The following THEMIS variants were observed in gnomAD, a reference collection of about 807,000 sequenced individuals.
The protein encoded by THEMIS is thymocyte selection associated.
In THEMIS, 37 loss-of-function variants were observed where a neutral mutation model predicts 52.6. The observed-to-expected ratio is 0.70, with a 90% CI of 0.54 to 0.93. The LOEUF (loss-of-function observed/expected upper bound fraction) is 0.93, where lower values mean the gene tolerates loss of function less well. THEMIS is among the 40% of genes least tolerant of loss of function. The pLI, the probability that THEMIS is intolerant of heterozygous loss-of-function variation, is 0.00. For synonymous variants in THEMIS, 292 were observed against 272.7 expected, an observed-to-expected ratio of 1.07 and a Z score of -0.70; for missense variants, 808 against 763.1, an observed-to-expected ratio of 1.06 and a Z score of -0.69.
At chr6:127,738,275 T>A (rs1775076238) in intron 4 of THEMIS, among the ~76,000 whole-genome samples, 1 of 152,112 alleles carries the variant, frequency 6.6e-6, no homozygotes, top group Non-Finnish European at 1.5e-5. Flanking sequence ...AGAATCAGAC[T>A]GTAATCCAAT....
At chr6:127,794,999 G>A (rs545691480) in intron 4 of THEMIS, among the ~76,000 whole-genome samples, 57 of 152,204 alleles carry the variant, frequency 3.7e-4, no homozygotes, top group Middle Eastern at 3.4e-3. Context: ...AAGACTTGAC[G>A]GAAAGCAGAT....
intron 4 of THEMIS, among the ~76,000 whole-genome samples, chr6:127,796,362 T>G (rs1027770710): frequency 1.3e-5 from 2 of 152,152 alleles, no homozygotes; most frequent in African/African-American, 4.8e-5. Flanking sequence ...CAAATTTATG[T>G]TCACCTACAA....
intron 4 of THEMIS, among the ~76,000 whole-genome samples, chr6:127,764,100 C>T (rs757921565): frequency 7.2e-5 from 11 of 152,006 alleles, no homozygotes; most frequent in East Asian, 1.9e-4. Context: ...CAAGATATTT[C>T]GTATCAGAAA....
At chr6:127,896,223 G>C (rs1780963080) in intron 1 of THEMIS, among the ~76,000 whole-genome samples, 1 of 151,194 alleles carries the variant, frequency 6.6e-6, no homozygotes, top group Non-Finnish European at 1.5e-5. Flanking sequence ...ATGAAATACA[G>C]AGATCTTTTT....
intron 2 of THEMIS, among the ~76,000 whole-genome samples, chr6:127,834,923 C>T (rs1218101925): frequency 1.3e-5 from 2 of 152,154 alleles, no homozygotes; most frequent in South Asian, 2.1e-4. Flanking sequence ...ATGTGCCGCA[C>T]GTCATACATA....
intron 1 of THEMIS, among the ~76,000 whole-genome samples, chr6:127,858,972 C>T (rs1779708893): frequency 6.6e-6 from 1 of 152,068 alleles, no homozygotes; most frequent in Non-Finnish European, 1.5e-5. Context: ...CATTAATATC[C>T]TTTTATGAGC....
intron 2 of THEMIS, among the ~76,000 whole-genome samples, chr6:127,846,967 G>A (rs1779235232): frequency 6.6e-6 from 1 of 152,076 alleles, no homozygotes; most frequent in Non-Finnish European, 1.5e-5. Context: ...TCCCAGGGAT[G>A]CAGAGATAGT....
At chr6:127,845,573 G>C (rs1338916312) in intron 2 of THEMIS, among the ~76,000 whole-genome samples, 1 of 151,970 alleles carries the variant, frequency 6.6e-6, no homozygotes, top group East Asian at 1.9e-4. Context: ...AGAGGTTGAA[G>C]TATCTTCAAA....
At chr6:127,797,390 T>G (rs1008293032) in intron 4 of THEMIS, among the ~76,000 whole-genome samples, 1 of 152,154 alleles carries the variant, frequency 6.6e-6, no homozygotes, top group Non-Finnish European at 1.5e-5. Context: ...CCAGGAAATA[T>G]ATGCACTAGT....
At chr6:127,696,707 T>C in the THEMIS span, among the ~76,000 whole-genome samples, 1 of 152,132 alleles carries the variant, frequency 6.6e-6, no homozygotes, top group African/African-American at 2.4e-5. Context: ...TAGCAGAGTT[T>C]TGTGATTTGT....
At chr6:127,855,463 T>C (rs1405678489) in intron 1 of THEMIS, among the ~76,000 whole-genome samples, 1 of 151,920 alleles carries the variant, frequency 6.6e-6, no homozygotes, top group African/African-American at 2.4e-5. Flanking sequence ...CATCTTACCA[T>C]GGTCAAACTA....
At chr6:127,808,843 C>G (rs1777806531) in intron 4 of THEMIS, among the ~76,000 whole-genome samples, 1 of 152,122 alleles carries the variant, frequency 6.6e-6, no homozygotes, top group South Asian at 2.1e-4. Flanking sequence ...TCTATTTCTC[C>G]TAGTTCCTGT....
At chr6:127,827,844 A>C (rs6921729) in intron 3 of THEMIS, among the ~76,000 whole-genome samples, 108,582 of 152,086 alleles carry the variant, frequency 0.71, 39,881 homozygotes, top group East Asian at 1. Context: ...TGCTTAAAGC[A>C]CTTTACTGAT....
chr6:127,811,796 A>G (rs74433386), intron 4 of THEMIS, among the ~76,000 whole-genome samples: 1,548 of 152,334 alleles, frequency 0.01, 15 homozygotes, highest in Middle Eastern at 0.02. Flanking sequence ...GTTAATCAAC[A>G]TTATTTGGAA....
intron 4 of THEMIS, among the ~76,000 whole-genome samples, chr6:127,796,086 T>C (rs1777321803): frequency 6.6e-6 from 1 of 152,226 alleles, no homozygotes; most frequent in Non-Finnish European, 1.5e-5. Flanking sequence ...TACATTATAG[T>C]GGATCTGATT....
At chr6:127,769,342 G>GTTTTTTTTT (rs201005568) in intron 4 of THEMIS, among the ~76,000 whole-genome samples, 11 of 142,782 alleles carry the variant, frequency 7.7e-5, no homozygotes, top group African/African-American at 2.8e-4. Flanking sequence ...AAATAGACCA[G>GTTTTTTTTT]TTTTTTTTTG....
chr6:127,888,308 T>G (rs1780705118), intron 1 of THEMIS, among the ~76,000 whole-genome samples: 1 of 152,092 alleles, frequency 6.6e-6, no homozygotes, highest in South Asian at 2.1e-4. Context: ...TAATCTGACA[T>G]CCATGATTCT....
chr6:127,832,777 C>CTTTTTTTTTTTTTTTTTTTTTTTTTTTT (rs11355741), intron 2 of THEMIS, among the ~76,000 whole-genome samples: 1 of 57,796 alleles, frequency 1.7e-5, no homozygotes, highest in Admixed American at 2.9e-4. Context: ...ATTGTCAGAT[C>CTTTTTTTTTTTTTTTTTTTTTTTTTTTT]TTTTTTTTTT....
At chr6:127,917,706 A>C (rs2114546176) in intron 1 of THEMIS, among the ~76,000 whole-genome samples, 1 of 152,354 alleles carries the variant, frequency 6.6e-6, no homozygotes, top group South Asian at 2.1e-4. Flanking sequence ...CCAACACCTG[A>C]AACAAGCAGG....
Sources: allele counts gnomAD v4.1 joint callset (sites outside exome capture counted in the v4.1 genomes callset), GRCh38; gene constraint gnomAD v4.1.1; transcripts MANE v1.5; gene names NCBI Gene and HGNC (gene_info 2026-07-23, HGNC 2026-07-21).